The following LAMC3 variants were observed in gnomAD, a reference collection of about 807,000 sequenced individuals.
The protein encoded by LAMC3 is laminin subunit gamma-3.
A neutral mutation model predicts 173.8 loss-of-function variants in LAMC3; 128 were observed. That is an observed-to-expected ratio of 0.74 (90% CI 0.64 to 0.85). The LOEUF (loss-of-function observed/expected upper bound fraction) is 0.85, where lower values mean the gene tolerates loss of function less well. Among genes scored for constraint, LAMC3 ranks in the 40% least tolerant of loss-of-function variants. The pLI is 0.00. For missense variants in LAMC3, 2,022 were observed against 2,156.0 expected (o/e 0.94, Z 1.23); for synonymous variants, 897 against 909.1 (o/e 0.99, Z 0.24).
chr9:131,052,670 G>A lies in LAMC3; in HGVS notation c.1810G>A (p.Glu604Lys). Reference sequence around the variant, plus strand: ...GGATGCCGGGCATCCCAGGGAGGTAGAGCTCAGGTTCCAGTAAGTATCCCC... The same window carrying A: ...GGATGCCGGGCATCCCAGGGAGGTAAAGCTCAGGTTCCAGTAAGTATCCCC... Reference protein sequence around the residue: ...PQDAGHPREVELRFHLQETSE... With the variant: ...PQDAGHPREVKLRFHLQETSE... Residue 604 changes from glutamate to lysine, a missense_variant, in exon 10 of 28, where the codon GAG becomes AAG. Transcript: ENST00000361069. 1 of 1,613,666 alleles carries A rather than the reference G, an allele frequency of 6.2e-7. No homozygotes were observed. The highest frequency in any genetic ancestry group is 8.5e-7 in the Non-Finnish European group (1 of 1,179,868).
intron 2 of LAMC3, among the ~76,000 whole-genome samples, 163 bp from the exon 3 acceptor site, chr9:131,031,882 A>G (rs1293360731): frequency 6.6e-6 from 1 of 152,200 alleles, no homozygotes. Flanking sequence ...CCCAAAGCAC[A>G]GCCTCCTTAT....
rs12349966 is a variant in LAMC3 at position 131,052,958 on chromosome 9, C to A, written c.1932C>A (p.Ser644Arg). ...GCCTCCGCGTCAGTCCCGGCCCCAG[C>A]CCTGCCGGTCAGTAAAGACAACCAC... is the stretch of plus-strand genomic sequence containing the variant. ...SLRLRVSPGP[S>R]PAGPVFLTEV... The change falls in exon 11 of 28, where the codon AGC (serine) becomes AGA (arginine). Residue 644 changes from serine (S) to arginine (R), a missense_variant. Transcript: ENST00000361069. The A allele has an allele frequency of 8.7e-6, 14 of 1,610,686 alleles. No individual in the cohort carries two copies. Among genetic ancestry groups the A allele is most frequent in the Non-Finnish European group, 1.2e-5 (14 of 1,178,306 alleles).
intron 12 of LAMC3, among the ~76,000 whole-genome samples, chr9:131,059,647 T>G (rs912239437): frequency 6.6e-6 from 1 of 151,602 alleles, no homozygotes; most frequent in African/African-American, 2.4e-5. Flanking sequence ...ACATAATCCC[T>G]CCCTGCTGCA....
intron 4 of LAMC3, among the ~76,000 whole-genome samples, chr9:131,036,811 C>T (rs1236031117): frequency 6.6e-6 from 1 of 152,226 alleles, no homozygotes; most frequent in Non-Finnish European, 1.5e-5. Context: ...ATGTCTTCTC[C>T]AGGGACACAG....
chr9:131,087,672 G>T lies in LAMC3; in HGVS notation c.4378-46G>T, dbSNP rs369700055. On this transcript the variant is annotated intron_variant, in intron 26 of 27. Transcript: ENST00000361069. ...TATCGCCTCCTGCCCCTGGCAGCCC[G>T]GGTGGGGACGCCATTCAAGCTGTTT... is the stretch of plus-strand genomic sequence containing the variant. 26 of 1,613,726 alleles carry T rather than the reference G, an allele frequency of 1.6e-5. No individual in the cohort carries two copies. The East Asian group carries it at 5.3e-4, about 33-fold the overall frequency.
In LAMC3 at chr9:131,009,272, G is replaced by T. The variant is rs1052741862; in HGVS notation, c.58G>T (p.Ala20Ser). 1.1e-5 allele frequency: 14 copies of T among 1,316,242 alleles called. No homozygotes were observed. In the African/African-American group the frequency reaches 2.2e-4, roughly 20 times the overall value. 81.5% of individuals were successfully genotyped at this position (1,316,242 alleles called of 1,614,324 possible). Residue 20 changes from alanine (A) to serine (S), a missense_variant, in exon 1 of 28, where the codon GCG becomes TCG. Coordinates refer to ENST00000361069, the MANE Select transcript of LAMC3 (RefSeq NM_006059.4). This position sits in a 1 kb window ranked among gnomAD's most constrained non-coding sequence, Gnocchi z 4.3. Reference protein sequence around the residue: ...LALLAPRAAGAGMGACYDGAG... With the variant: ...LALLAPRAAGSGMGACYDGAG... ...GCTGCTGGCACCGCGGGCGGCCGGC[G>T]CGGGCATGGGCGCGTGCTATGACGG...
intron 3 of LAMC3, among the ~76,000 whole-genome samples, chr9:131,032,535 T>TCTCTCTCTCTTGCTCTCTCTCA (rs1833849374): frequency 7.8e-6 from 1 of 128,182 alleles, no homozygotes. Flanking sequence ...TCTCTCGCTG[T>TCTCTCTCTCTTGCTCTCTCTCA]CTCTCTCTCT....
chr9:131,028,220 T>TA (rs1311368230), intron 2 of LAMC3, among the ~76,000 whole-genome samples: 19 of 152,320 alleles, frequency 1.2e-4, no homozygotes, highest in African/African-American at 4.6e-4. Context: ...CCTGATGGTC[T>TA]GAGGTGGAAC....
chr9:131,012,591 G>T (rs1412056899), intron 1 of LAMC3, among the ~76,000 whole-genome samples: 2 of 152,222 alleles, frequency 1.3e-5, no homozygotes, highest in African/African-American at 4.8e-5. Context: ...CCCAGATTTG[G>T]CCTCTTTTTG....
At chr9:131,067,301 C>A (rs1829957219) in intron 14 of LAMC3, 96 bp downstream of exon 14, 7 of 1,519,790 alleles carry the variant, frequency 4.6e-6, no homozygotes, top group Middle Eastern at 4.5e-4. Context: ...AGGAACCCAC[C>A]AGAACCAGCT....
At chr9:131,081,515 G>C (rs1214395000) in intron 23 of LAMC3, among the ~76,000 whole-genome samples, 1 of 121,404 alleles carries the variant, frequency 8.2e-6, no homozygotes, top group Non-Finnish European at 1.6e-5. Context: ...ATGCCACCCA[G>C]GCTGGAGTGC....
chr9:131,038,972 C>T lies in LAMC3; in HGVS notation c.1085C>T (p.Pro362Leu). 6.2e-7 allele frequency: 1 copy of T among 1,613,582 alleles called. No individual in the cohort carries two copies. The highest frequency in any genetic ancestry group is 1.1e-5 in the South Asian group (1 of 91,082). The stretch of plus-strand genomic sequence containing the variant: ...CACTGCCGTGACCACACAGCTGGGC[C>T]ACACTGTGAGCGCTGTCAGGAGAAT... ...CHHCRDHTAG[P>L]HCERCQENFY... The change falls in exon 5 of 28, where the codon CCA becomes CTA. Residue 362 changes from proline (P) to leucine (L), a missense_variant. By Grantham distance (98) the Pro-to-Leu change is moderately conservative. Transcript: ENST00000361069.
rs187693698 is a variant in LAMC3 at position 131,010,851 on chromosome 9, G to A, written c.373+1264G>A. ...CCGGTTCTCAGCCCCTGCCCCCACT[G>A]CAGGGAGCTGGAATGCTCTCTCCTC... On this transcript the variant is annotated intron_variant, in intron 1 of 27. Transcript: ENST00000361069. Among the ~76,000 whole-genome samples, 346 of 152,270 alleles carry A rather than the reference G, an allele frequency of 2.3e-3. 2 individuals are homozygous for A. Among genetic ancestry groups the A allele is most frequent in the Non-Finnish European group, 3.7e-3 (253 of 68,000 alleles).
intron 17 of LAMC3, among the ~76,000 whole-genome samples, chr9:131,070,480 AGGCG>A (rs1830020706): frequency 6.6e-6 from 1 of 152,220 alleles, no homozygotes; most frequent in African/African-American, 2.4e-5. Context: ...TGGGAGGCTG[AGGCG>A]GGCAGATCGT....
chr9:131,009,222 C>T lies in LAMC3; in HGVS notation c.8C>T (p.Ala3Val), dbSNP rs1833355849. 4.1e-6 allele frequency: 5 copies of T among 1,232,052 alleles called. No individual in the cohort carries two copies. The highest frequency in any genetic ancestry group is 4.0e-6 in the Non-Finnish European group (4 of 990,732). The allele number at this position is 1,232,052 out of a possible 1,614,324, so 76.3% of individuals were successfully genotyped here. A position where few individuals can be genotyped will look rare whatever the true frequency, so the allele number is the denominator to read the frequency against. Residue 3 changes from alanine (A) to valine (V), a missense_variant, in exon 1 of 28, where the codon GCG becomes GTG. Transcript: ENST00000361069. The surrounding 1 kb of genome is among the most constrained non-coding windows in gnomAD (Gnocchi z 4.3). MA[A>V]AALLLGLALL... ...GCGTCGGTGCCCTTGACCATGGCGG[C>T]GGCTGCGCTTCTGCTGGGGCTGGCG...
chr9:131,059,490 C>CAAAAAA (rs58064050), intron 12 of LAMC3, among the ~76,000 whole-genome samples: 56 of 64,404 alleles, frequency 8.7e-4, no homozygotes, highest in African/African-American at 1.2e-3. Context: ...GACTCCGTCT[C>CAAAAAA]AAAAAAAAAA....
At chr9:131,070,221 G>C (rs1830015735) in intron 17 of LAMC3, among the ~76,000 whole-genome samples, 1 of 152,232 alleles carries the variant, frequency 6.6e-6, no homozygotes, top group Non-Finnish European at 1.5e-5. Flanking sequence ...GAAGTCCGGA[G>C]TTCAAGCTCT....
chr9:131,044,170 G>A (rs1344512511), intron 7 of LAMC3, among the ~76,000 whole-genome samples: 1 of 151,480 alleles, frequency 6.6e-6, no homozygotes, highest in African/African-American at 2.4e-5. Flanking sequence ...TGTTGGTCAG[G>A]CTGATCTCGA....
intron 8 of LAMC3, among the ~76,000 whole-genome samples, chr9:131,046,518 AT>A (rs71501242): frequency 0.017 from 826 of 49,074 alleles, 3 homozygotes; most frequent in South Asian, 0.027. Context: ...TAATTTTTGT[AT>A]TTTTTTTTTT....
Sources: gnomAD v4.1 joint callset for allele counts (sites outside exome capture counted in the v4.1 genomes callset) on GRCh38, gnomAD v4.1.1 for gene constraint, Gnocchi (gnomAD v3.1) non-coding constraint, MANE v1.5 for transcripts, NCBI Gene and HGNC (gene_info 2026-07-23, HGNC 2026-07-21) for gene names.